Variants in KCNH7 observed in about 807,000 individuals in gnomAD.
KCNH7 encodes the protein voltage-gated inwardly rectifying potassium channel KCNH7.
In KCNH7, 49 loss-of-function variants were observed where a neutral mutation model predicts 120.8. The observed-to-expected ratio is 0.41, with a 90% CI of 0.32 to 0.51. The LOEUF is 0.51. KCNH7 is among the 20% of genes least tolerant of loss of function. The pLI is 0.38. For missense variants in KCNH7, 1,097 were observed against 1,446.6 expected, an observed-to-expected ratio of 0.76 and a Z score of 3.92; for synonymous variants, 547 against 516.1, an observed-to-expected ratio of 1.06 and a Z score of -0.81.
chr2:162,815,168 G>A (rs1011244898), intron 2 of KCNH7, among the ~76,000 whole-genome samples: 3 of 152,054 alleles, frequency 2.0e-5, no homozygotes, highest in African/African-American at 7.2e-5. Flanking sequence ...CTAATGTTCA[G>A]TATAAAGGAG....
At chr2:162,778,426 G>T (rs375571315) in intron 2 of KCNH7, among the ~76,000 whole-genome samples, 46 of 152,240 alleles carry the variant, frequency 3.0e-4, no homozygotes, top group Non-Finnish European at 3.7e-4. Flanking sequence ...TCATTAAACT[G>T]TCAAGTAATG....
At position 162,733,240 on chromosome 2, in the gene KCNH7, C is replaced by T. The variant is rs117576791; in HGVS notation, c.307+103297G>A. 6.3e-4 allele frequency among the ~76,000 whole-genome samples: 96 copies of T among 152,270 alleles called. 1 individual carries two copies. In the East Asian group the frequency reaches 0.011, roughly 18 times the overall value. On this transcript the variant is annotated intron_variant, in intron 2 of 15. Coordinates refer to ENST00000332142, the MANE Select transcript of KCNH7 (RefSeq NM_033272.4). The stretch of plus-strand genomic sequence containing the variant: ...CTAGAGCTGAGTAGTTAGCATGGAT[C>T]GTTCCCAGATTCTCTATTGTCTATA...
At position 162,836,523 on chromosome 2, in the gene KCNH7, T is replaced by C. The variant is rs1559156603; in HGVS notation, c.307+14A>G. 3.8e-6 allele frequency: 6 copies of C among 1,598,020 alleles called. No individual in the cohort carries two copies. The highest frequency in any genetic ancestry group is 5.1e-6 in the Non-Finnish European group (6 of 1,165,852). ...GGGATCAAATAGAAGGAATCCTAAA[T>C]AGAGGAATTTTACCATTTTTGTGAT... On this transcript the variant is annotated intron_variant, in intron 2 of 15. Coordinates refer to ENST00000332142, the MANE Select transcript of KCNH7 (RefSeq NM_033272.4).
At chr2:162,380,859 G>C (rs1686394248) in intron 13 of KCNH7, among the ~76,000 whole-genome samples, 1 of 152,018 alleles carries the variant, frequency 6.6e-6, no homozygotes, top group African/African-American at 2.4e-5. Context: ...GTCTAGCAGG[G>C]TTGTGATCCC....
intron 2 of KCNH7, among the ~76,000 whole-genome samples, chr2:162,543,928 G>A (rs1169371544): frequency 6.6e-6 from 1 of 152,130 alleles, no homozygotes; most frequent in Admixed American, 6.6e-5. Context: ...AAAAAAGTGA[G>A]TAAACTTTCT....
chr2:162,783,592 C>G (rs186703215), intron 2 of KCNH7, among the ~76,000 whole-genome samples: 1 of 152,230 alleles, frequency 6.6e-6, no homozygotes, highest in East Asian at 1.9e-4. Context: ...CGAATGCTGT[C>G]AATTTGGAAA....
chr2:162,418,230 T>A (rs1008294468), intron 9 of KCNH7, among the ~76,000 whole-genome samples: 1 of 152,156 alleles, frequency 6.6e-6, no homozygotes, highest in Non-Finnish European at 1.5e-5. Context: ...GTCCTGTGGG[T>A]CATTATCATT....
At chr2:162,727,643 T>C (rs1048357570) in intron 2 of KCNH7, among the ~76,000 whole-genome samples, 1 of 152,238 alleles carries the variant, frequency 6.6e-6, no homozygotes, top group African/African-American at 2.4e-5. Flanking sequence ...TTTTTAGGAT[T>C]CATCCATGTT....
intron 2 of KCNH7, among the ~76,000 whole-genome samples, chr2:162,638,541 A>C (rs1684040353): frequency 6.6e-6 from 1 of 152,088 alleles, no homozygotes; most frequent in South Asian, 2.1e-4. Flanking sequence ...GGTTGATGAA[A>C]TAGTAATAAA....
At chr2:162,668,181 A>G (rs1685212580) in intron 2 of KCNH7, among the ~76,000 whole-genome samples, 1 of 152,198 alleles carries the variant, frequency 6.6e-6, no homozygotes, top group Non-Finnish European at 1.5e-5. Context: ...GAAAGGAAGA[A>G]TCTAGGAAGG....
In KCNH7 at chr2:162,425,688, C is replaced by A. The variant is rs1687837280; in HGVS notation, c.1955-2153G>T. Among the ~76,000 whole-genome samples, 3 of 151,998 alleles carry A rather than the reference C, an allele frequency of 2.0e-5. No homozygotes were observed. In the South Asian group the frequency reaches 6.2e-4, roughly 31 times the overall value. ...TGCTGTTTGTTTTACCTAAACCACA[C>A]GTGATCAGGAAACACATGTTTTACC... On this transcript the variant is annotated intron_variant, in intron 8 of 15. Transcript: ENST00000332142.
chr2:162,729,147 T>G (rs1229687522), intron 2 of KCNH7, among the ~76,000 whole-genome samples: 1 of 151,520 alleles, frequency 6.6e-6, no homozygotes, highest in Non-Finnish European at 1.5e-5. Flanking sequence ...ATTGTCATTT[T>G]GTCAATATAC....
intron 2 of KCNH7, among the ~76,000 whole-genome samples, chr2:162,827,108 G>T (rs1263615526): frequency 6.6e-6 from 1 of 152,058 alleles, no homozygotes; most frequent in African/African-American, 2.4e-5. Flanking sequence ...AACAGGAAGT[G>T]AGTCTGACAT....
chr2:162,519,363 T>TA (rs1691436994), intron 3 of KCNH7, among the ~76,000 whole-genome samples: 1 of 151,732 alleles, frequency 6.6e-6, no homozygotes, highest in Non-Finnish European at 1.5e-5. Context: ...TAACGTTAAG[T>TA]AAAAAAAGCA....
intron 2 of KCNH7, among the ~76,000 whole-genome samples, chr2:162,644,073 T>A (rs1574212245): frequency 6.6e-6 from 1 of 152,136 alleles, no homozygotes; most frequent in African/African-American, 2.4e-5. Flanking sequence ...TCTTACCTGC[T>A]TTTCCCTCCT....
At chr2:162,654,830 C>T (rs1166055318) in intron 2 of KCNH7, among the ~76,000 whole-genome samples, 1 of 152,046 alleles carries the variant, frequency 6.6e-6, no homozygotes, top group Non-Finnish European at 1.5e-5. Context: ...TCATTTGCAA[C>T]AAATGGATAA....
rs537588200 is a variant in KCNH7 at position 162,470,539 on chromosome 2, G to A, written c.1129-24096C>T. Among the ~76,000 whole-genome samples, 18 of 151,832 alleles carry A rather than the reference G, an allele frequency of 1.2e-4. No homozygotes were observed. In the South Asian group the frequency reaches 1.9e-3, roughly 16 times the overall value. Reference sequence around the variant, plus strand: ...CCACCCCGTCTAGGAAGTGAGGAGCGTCTCCGCCCGGCAGCCACCCCGTCC... The same window carrying A: ...CCACCCCGTCTAGGAAGTGAGGAGCATCTCCGCCCGGCAGCCACCCCGTCC... On this transcript the variant is annotated intron_variant, in intron 6 of 15. Coordinates refer to ENST00000332142, the MANE Select transcript of KCNH7 (RefSeq NM_033272.4).
intron 2 of KCNH7, among the ~76,000 whole-genome samples, chr2:162,674,782 C>T (rs1327804345): frequency 6.6e-6 from 1 of 151,462 alleles, no homozygotes; most frequent in Non-Finnish European, 1.5e-5. Context: ...TCTATATATA[C>T]TTCAAAGCAC....
intron 2 of KCNH7, among the ~76,000 whole-genome samples, chr2:162,716,502 C>G (rs1300265834): frequency 6.6e-6 from 1 of 152,152 alleles, no homozygotes. Context: ...TCTTTCATCT[C>G]TGTTTCCTAG....
Sources: allele counts gnomAD v4.1 joint callset (sites outside exome capture counted in the v4.1 genomes callset), GRCh38; gene constraint gnomAD v4.1.1; transcripts MANE v1.5; gene names NCBI Gene and HGNC (gene_info 2026-07-23, HGNC 2026-07-21).